Variants in G6PC2 observed in about 807,000 individuals in gnomAD.
G6PC2 encodes glucose-6-phosphatase catalytic subunit 2.
Under a neutral mutation model 35.4 loss-of-function variants are expected in G6PC2, and 41 were observed. That is an observed-to-expected ratio of 1.16 (90% CI 0.90 to 1.50). G6PC2 has a LOEUF of 1.50. G6PC2 is among the 40% of genes most tolerant of loss of function. The pLI is 0.00. For missense variants in G6PC2, 441 were observed against 426.5 expected, an observed-to-expected ratio of 1.03 and a Z score of -0.30; for synonymous variants, 165 against 153.2, an observed-to-expected ratio of 1.08 and a Z score of -0.57.
rs758997713 is a variant in G6PC2 at position 168,908,094 on chromosome 2, T to C, written c.*15T>C. 7.5e-5 allele frequency: 121 copies of C among 1,605,828 alleles called. No individual in the cohort carries two copies. The highest frequency in any genetic ancestry group is 1.3e-4 in the Admixed American group (8 of 60,000). On this transcript the variant is annotated 3_prime_UTR_variant, in exon 5 of 5. Coordinates refer to ENST00000375363, the MANE Select transcript of G6PC2 (RefSeq NM_021176.3). The stretch of plus-strand genomic sequence containing the variant: ...AGAGTCAGTAGAGTGGTGCCTAGAG[T>C]TAGTGCTCTGTGTCACAGATCACCC...
In G6PC2 at chr2:168,904,515, TG is replaced by T; in HGVS notation, c.341del (p.Gly114AlafsTer14). 1.3e-6 allele frequency: 2 copies of T among 1,594,936 alleles called. No individual in the cohort carries two copies. Among genetic ancestry groups the T allele is most frequent in the Non-Finnish European group, 8.6e-7 (1 of 1,162,510 alleles). ...ACTTTGTTGTTGCAGGAAGTCCATC[TG>T]GCCATGCAATGGGCGCATCCTGTGT... ...TCETGPGSPSGHAMGASCVWY... is the reference protein window; with the variant it reads ...TCETGPGSPSXHAMGASCVWY... On this transcript the variant is annotated frameshift_variant, in exon 3 of 5. Transcript: ENST00000375363. LOFTEE classifies it high-confidence loss of function.
Position 168,908,143 on chromosome 2 carries a change from C to T in G6PC2, c.*64C>T. On this transcript the variant is annotated 3_prime_UTR_variant, in exon 5 of 5. Coordinates refer to ENST00000375363, the MANE Select transcript of G6PC2 (RefSeq NM_021176.3). ...CCTTCTCCATCCACCAGTAGAGCCA[C>T]AGAGTAGGCACAGACCAGAGGCTTC... 1 of 1,331,208 alleles carries T rather than the reference C, an allele frequency of 7.5e-7. No homozygotes were observed. The highest frequency in any genetic ancestry group is 1.4e-5 in the African/African-American group (1 of 69,214). The allele number at this position is 1,331,208 out of a possible 1,614,324, so 82.5% of individuals were successfully genotyped here. A position where few individuals can be genotyped will look rare whatever the true frequency, so the allele number is the denominator to read the frequency against.
intron 1 of G6PC2, 46 bp downstream of exon 1, chr2:168,901,595 A>G (rs933131307): frequency 2.0e-6 from 2 of 996,706 alleles, no homozygotes; most frequent in Non-Finnish European, 3.1e-6. Flanking sequence ...TTTATCCTTA[A>G]ATTTGTGACT....
rs1690742557 is a variant in G6PC2, at chr2:168,907,671, C to CT, written c.664dup (p.Tyr222LeufsTer5). On this transcript the variant is annotated frameshift_variant, in exon 5 of 5. Coordinates refer to ENST00000375363, the MANE Select transcript of G6PC2 (RefSeq NM_021176.3). LOFTEE classifies it high-confidence loss of function. ...TCTTTCTCTTCCTGTTTGCAGTTGG[C>CT]TTTTACCTGCTTCTTAGGGTGCTCA... 1.2e-6 allele frequency: 2 copies of CT among 1,614,056 alleles called. No individual in the cohort carries two copies. The highest frequency in any genetic ancestry group is 1.7e-6 in the Non-Finnish European group (2 of 1,179,972).
chr2:168,902,399 C>T (rs1385682852), intron 1 of G6PC2, 46 bp from the exon 2 acceptor site: 3 of 797,388 alleles, frequency 3.8e-6, no homozygotes, highest in East Asian at 2.6e-5. Context: ...TAAATAATAG[C>T]TGTGTATTTA....
Position 168,907,692 on chromosome 2 carries a change from G to A in G6PC2, c.681G>A (p.Val227=). Residue 227 remains valine (V), a synonymous_variant, in exon 5 of 5, where the codon GTG becomes GTA. Coordinates refer to ENST00000375363, the MANE Select transcript of G6PC2 (RefSeq NM_021176.3). ...TTGGCTTTTACCTGCTTCTTAGGGT[G>A]CTCAACATTGACCTGCTGTGGTCCG... ...FAVGFYLLLR[V]LNIDLLWSVP... 1 of 1,614,066 alleles carries A rather than the reference G, an allele frequency of 6.2e-7. No individual in the cohort carries two copies. Among genetic ancestry groups the A allele is most frequent in the Non-Finnish European group, 8.5e-7 (1 of 1,180,006 alleles).
At chr2:168,904,820 C>T (rs1015089046) in intron 3 of G6PC2, among the ~76,000 whole-genome samples, 7 of 152,224 alleles carry the variant, frequency 4.6e-5, no homozygotes, top group African/African-American at 1.7e-4. Context: ...GCTATTTCCA[C>T]TTTTCAAGTT....
Position 168,909,241 on chromosome 2 carries a change from C to G in G6PC2, c.*1162C>G, listed in dbSNP as rs1690797024. 6.6e-6 allele frequency: 1 copy of G among 152,262 alleles called. No homozygotes were observed. The highest frequency in any genetic ancestry group is 1.5e-5 in the Non-Finnish European group (1 of 68,110). 9.4% of individuals were successfully genotyped at this position (152,262 alleles called of 1,614,324 possible). A position where few individuals can be genotyped will look rare whatever the true frequency, so the allele number is the denominator to read the frequency against. On this transcript the variant is annotated 3_prime_UTR_variant, in exon 5 of 5. Transcript: ENST00000375363. ...CGGGTCCAGGGACAACAGAACAGGC[C>G]AGGCTACAGTATGGACTTGAACCTC...
At chr2:168,906,260 T>C (rs1690708257) in intron 3 of G6PC2, among the ~76,000 whole-genome samples, 1 of 152,020 alleles carries the variant, frequency 6.6e-6, no homozygotes, top group African/African-American at 2.4e-5. Flanking sequence ...CAAAGAAAGG[T>C]TGAGAGAGGA....
chr2:168,901,701 C>T, intron 1 of G6PC2, 152 bp downstream of exon 1: 1 of 627,726 alleles, frequency 1.6e-6, no homozygotes, highest in South Asian at 1.9e-5. Flanking sequence ...ATAAGTAGAA[C>T]TTTTAAAAGG....
chr2:168,906,581 A>C, intron 3 of G6PC2, 83 bp from the exon 4 acceptor site: 1 of 777,932 alleles, frequency 1.3e-6, no homozygotes, highest in Non-Finnish European at 2.4e-6. Flanking sequence ...TCTTCTGAGA[A>C]GGATCATCTG....
At chr2:168,904,159 T>C (rs891060458) in intron 2 of G6PC2, among the ~76,000 whole-genome samples, 1 of 152,066 alleles carries the variant, frequency 6.6e-6, no homozygotes, top group African/African-American at 2.4e-5. Flanking sequence ...ATTAACCTAA[T>C]ACTTTTGCTT....
chr2:168,902,336 A>G (rs1690615275), intron 1 of G6PC2, 109 bp from the exon 2 acceptor site: 1 of 689,424 alleles, frequency 1.5e-6, no homozygotes, highest in Non-Finnish European at 2.6e-6. Context: ...AACTTTCACA[A>G]TTAACCCTGC....
chr2:168,902,478 C>G lies in G6PC2; in HGVS notation c.252C>G (p.Val84=). The change falls in exon 2 of 5, where the codon GTC becomes GTG. Residue 84 remains valine, a synonymous_variant. Coordinates refer to ENST00000375363, the MANE Select transcript of G6PC2 (RefSeq NM_021176.3). The stretch of plus-strand genomic sequence containing the variant: ...TTGGTCATCGACCTTACTGGTGGGT[C>G]CAAGAAACTCAGATTTACCCAAATC... ...ILFGHRPYWW[V]QETQIYPNHS... 3.2e-6 allele frequency: 5 copies of G among 1,561,132 alleles called. No homozygotes were observed. The highest frequency in any genetic ancestry group is 4.4e-6 in the Non-Finnish European group (5 of 1,131,764).
chr2:168,901,740 T>TG (rs1227667357), intron 1 of G6PC2, among the ~76,000 whole-genome samples, 191 bp downstream of exon 1: 1 of 143,902 alleles, frequency 6.9e-6, no homozygotes, highest in African/African-American at 2.7e-5. Flanking sequence ...TGTTTTTGTT[T>TG]TTTTTTTTTT....
chr2:168,905,047 C>G (rs1048074915), intron 3 of G6PC2, among the ~76,000 whole-genome samples: 2 of 152,196 alleles, frequency 1.3e-5, no homozygotes, highest in Non-Finnish European at 2.9e-5. Context: ...ATGCTTCCTT[C>G]TTCGAATAGC....
At position 168,907,824 on chromosome 2, in the gene G6PC2, T is replaced by A. The variant is rs1175034044; in HGVS notation, c.813T>A (p.Phe271Leu). 1 of 1,614,160 alleles carries A rather than the reference T, an allele frequency of 6.2e-7. No homozygotes were observed. Among genetic ancestry groups the A allele is most frequent in the Non-Finnish European group, 8.5e-7 (1 of 1,180,016 alleles). Residue 271 changes from phenylalanine (F) to leucine (L), a missense_variant, in exon 5 of 5, where the codon TTT becomes TTA. Coordinates refer to ENST00000375363, the MANE Select transcript of G6PC2 (RefSeq NM_021176.3). The stretch of plus-strand genomic sequence containing the variant: ...TTGGGGTCCTCTTTGGCTTGGGCTT[T>A]GCAATCAACTCAGAGATGTTCCTCC... ...RNLGVLFGLGFAINSEMFLLS... is the reference protein window; with the variant it reads ...RNLGVLFGLGLAINSEMFLLS...
At chr2:168,902,147 T>C (rs544304647) in intron 1 of G6PC2, among the ~76,000 whole-genome samples, 28 of 152,308 alleles carry the variant, frequency 1.8e-4, no homozygotes, top group Non-Finnish European at 3.4e-4. Flanking sequence ...TTGATAATTC[T>C]AGGGACAAAT....
chr2:168,904,058 A>G (rs1690656778), intron 2 of G6PC2, among the ~76,000 whole-genome samples: 1 of 152,092 alleles, frequency 6.6e-6, no homozygotes, highest in Non-Finnish European at 1.5e-5. Flanking sequence ...AAATAAGCCA[A>G]CTGAAGATCC....
Sources: allele counts gnomAD v4.1 joint callset (sites outside exome capture counted in the v4.1 genomes callset), GRCh38; gene constraint gnomAD v4.1.1; transcripts MANE v1.5; gene names NCBI Gene and HGNC (gene_info 2026-07-23, HGNC 2026-07-21).